The following AGBL3 variants were observed in gnomAD, a reference collection of about 807,000 sequenced individuals.
The protein encoded by AGBL3 is AGBL carboxypeptidase 3.
In AGBL3, 68 loss-of-function variants were observed where a neutral mutation model predicts 94.5. The observed-to-expected ratio is 0.72, with a 90% CI of 0.59 to 0.88. The LOEUF (loss-of-function observed/expected upper bound fraction) is 0.88, where lower values mean the gene tolerates loss of function less well. Among genes scored for constraint, AGBL3 ranks in the 40% least tolerant of loss-of-function variants. The pLI is 0.00. For synonymous variants in AGBL3, 354 were observed against 370.7 expected, an observed-to-expected ratio of 0.95 and a Z score of 0.52; for missense variants, 934 against 1,103.8, an observed-to-expected ratio of 0.85 and a Z score of 2.18.
chr7:135,099,224 C>T (rs1443763861), intron 15 of AGBL3, among the ~76,000 whole-genome samples: 2 of 152,136 alleles, frequency 1.3e-5, no homozygotes, highest in African/African-American at 2.4e-5. Flanking sequence ...GTACCTGTCA[C>T]TGTCTTTCAT....
chr7:135,119,370 T>G (rs760717631), intron 16 of AGBL3, among the ~76,000 whole-genome samples: 1 of 131,068 alleles, frequency 7.6e-6, no homozygotes, highest in Non-Finnish European at 1.6e-5. Context: ...GCTGGGGTTA[T>G]AGGCACCCAC....
chr7:135,073,126 T>C (rs1008461980), intron 12 of AGBL3, among the ~76,000 whole-genome samples: 6 of 151,946 alleles, frequency 3.9e-5, no homozygotes, highest in Admixed American at 6.6e-5. Flanking sequence ...TAATAGAGAA[T>C]AGAAGGGTCA....
At chr7:135,123,907 A>G (rs577195127) in intron 16 of AGBL3, among the ~76,000 whole-genome samples, 10 of 152,334 alleles carry the variant, frequency 6.6e-5, no homozygotes, top group African/African-American at 2.4e-4. Context: ...TAAATATGAA[A>G]AACAAAAACC....
intron 5 of AGBL3, among the ~76,000 whole-genome samples, chr7:135,030,147 C>T (rs1815557500): frequency 6.9e-6 from 1 of 144,682 alleles, no homozygotes. Flanking sequence ...CAACACAAAC[C>T]TTTAATTTGT....
At chr7:135,068,150 A>G (rs1224259877) in intron 12 of AGBL3, among the ~76,000 whole-genome samples, 1 of 152,238 alleles carries the variant, frequency 6.6e-6, no homozygotes, top group African/African-American at 2.4e-5. Flanking sequence ...TGGAAGATCA[A>G]ATGAATGTAA....
chr7:135,067,504 G>A (rs1242631469), intron 12 of AGBL3, among the ~76,000 whole-genome samples: 3 of 152,194 alleles, frequency 2.0e-5, no homozygotes, highest in Admixed American at 6.5e-5. Context: ...GGGGCAGACT[G>A]ACACCTCACA....
chr7:135,076,382 T>C lies in AGBL3; in HGVS notation c.1909-15T>C, dbSNP rs1054989297. 6.7e-7 allele frequency: 1 copy of C among 1,499,168 alleles called. No homozygotes were observed. The highest frequency in any genetic ancestry group is 9.1e-7 in the Non-Finnish European group (1 of 1,101,028). 92.9% of individuals were successfully genotyped at this position (1,499,168 alleles called of 1,614,324 possible). On this transcript the variant is annotated splice_polypyrimidine_tract_variant and intron_variant, in intron 12 of 16. Transcript: ENST00000436302. ...GTTGATTAAATATTGATTTTAAGTA[T>C]GATTCTTTTACTAGAAAAAACATTT...
chr7:135,074,998 T>C (rs1343226941), intron 12 of AGBL3, among the ~76,000 whole-genome samples: 3 of 152,228 alleles, frequency 2.0e-5, no homozygotes, highest in Non-Finnish European at 4.4e-5. Context: ...ATTCTAACTT[T>C]TAAAAATTAA....
At chr7:135,102,846 T>C (rs1335135151) in intron 15 of AGBL3, among the ~76,000 whole-genome samples, 1 of 152,130 alleles carries the variant, frequency 6.6e-6, no homozygotes, top group Non-Finnish European at 1.5e-5. Context: ...TGGGAGAGAA[T>C]CTTTATGGTC....
intron 12 of AGBL3, among the ~76,000 whole-genome samples, chr7:135,075,453 G>A (rs1376168866): frequency 1.3e-5 from 2 of 152,090 alleles, no homozygotes; most frequent in African/African-American, 2.4e-5. Flanking sequence ...CCGTGATATG[G>A]ATTTACCACA....
intron 12 of AGBL3, among the ~76,000 whole-genome samples, chr7:135,068,922 A>C (rs1819619255): frequency 6.6e-6 from 1 of 151,854 alleles, no homozygotes; most frequent in African/African-American, 2.4e-5. Context: ...TGCTCCAATT[A>C]AGACAGACTG....
At chr7:135,124,946 C>T (rs918960202) in intron 16 of AGBL3, among the ~76,000 whole-genome samples, 18 of 152,020 alleles carry the variant, frequency 1.2e-4, no homozygotes, top group Non-Finnish European at 1.9e-4. Context: ...CATCAGAAAG[C>T]GAGAAAGATC....
chr7:135,109,425 T>TC (rs1825276082), intron 15 of AGBL3, among the ~76,000 whole-genome samples: 1 of 150,808 alleles, frequency 6.6e-6, no homozygotes, highest in South Asian at 2.1e-4. Context: ...AGACTCAGAC[T>TC]GGGAGGACAT....
intron 12 of AGBL3, among the ~76,000 whole-genome samples, chr7:135,075,500 G>A (rs1027398409): frequency 6.6e-6 from 1 of 152,162 alleles, no homozygotes; most frequent in Non-Finnish European, 1.5e-5. Flanking sequence ...GAACATGTGG[G>A]TTGTTTTCAG....
intron 4 of AGBL3, chr7:135,010,313 T>TG (rs1812983961): frequency 2.4e-5 from 6 of 245,080 alleles, no homozygotes; most frequent in South Asian, 8.2e-5. Flanking sequence ...TTTGTTGTTT[T>TG]TTTTTTTTTA....
In AGBL3 at chr7:135,000,980, G is replaced by A. The variant is rs149296951; in HGVS notation, c.310+7302G>A. Among the ~76,000 whole-genome samples, 87 of 152,180 alleles carry A rather than the reference G, an allele frequency of 5.7e-4. 1 individual carries two copies. The highest frequency in any genetic ancestry group is 3.4e-3 in the Middle Eastern group (1 of 294). ...ATACTATTTCCAACTAAAATCTGTC[G>A]GCTTGGACAATTCTATAGGTTCCCA... On this transcript the variant is annotated intron_variant, in intron 4 of 16. Coordinates refer to ENST00000436302, the MANE Select transcript of AGBL3 (RefSeq NM_178563.4).
At chr7:135,010,823 G>A (rs543664215) in intron 4 of AGBL3, 1 of 152,252 alleles carries the variant, frequency 6.6e-6, no homozygotes, top group South Asian at 2.1e-4. Context: ...ATTTTTAAAA[G>A]ACCTAAGTAA....
chr7:135,120,558 T>C (rs2117237329), intron 16 of AGBL3, among the ~76,000 whole-genome samples: 1 of 152,272 alleles, frequency 6.6e-6, no homozygotes, highest in South Asian at 2.1e-4. Context: ...AAACAAAAGA[T>C]AAACTTTTTT....
chr7:135,071,162 C>T (rs1819869179), intron 12 of AGBL3, among the ~76,000 whole-genome samples: 3 of 152,134 alleles, frequency 2.0e-5, no homozygotes, highest in South Asian at 4.1e-4. Flanking sequence ...ATCCAACTTA[C>T]AAGGGACGTG....
Sources: allele counts gnomAD v4.1 joint callset (sites outside exome capture counted in the v4.1 genomes callset), GRCh38; gene constraint gnomAD v4.1.1; transcripts MANE v1.5; gene names NCBI Gene and HGNC (gene_info 2026-07-23, HGNC 2026-07-21).